The following KLHL1 variants were observed in gnomAD, a reference collection of about 807,000 sequenced individuals.
KLHL1 encodes kelch like family member 1.
Under a neutral mutation model 77.7 loss-of-function variants are expected in KLHL1, and 47 were observed. The observed-to-expected ratio is 0.60, with a 90% CI of 0.48 to 0.77. The LOEUF (loss-of-function observed/expected upper bound fraction) is 0.77, where lower values mean the gene tolerates loss of function less well. KLHL1 is among the 30% of genes least tolerant of loss of function. KLHL1 has a pLI of 0.00. For synonymous variants in KLHL1, 360 were observed against 325.2 expected (o/e 1.11, Z -1.15); for missense variants, 925 against 910.8 (o/e 1.02, Z -0.20).
At chr13:69,990,070 C>T (rs1210837995) in intron 1 of KLHL1, among the ~76,000 whole-genome samples, 1 of 151,830 alleles carries the variant, frequency 6.6e-6, no homozygotes, top group African/African-American at 2.4e-5. Flanking sequence ...TCATATCTGG[C>T]CAAACTAAGC....
chr13:70,069,002 G>A (rs555138813), intron 1 of KLHL1, among the ~76,000 whole-genome samples: 39 of 152,108 alleles, frequency 2.6e-4, no homozygotes, highest in Non-Finnish European at 4.6e-4. Flanking sequence ...GGAGCACTCT[G>A]TTCTCCTTAA....
intron 1 of KLHL1, among the ~76,000 whole-genome samples, chr13:70,083,826 T>C (rs530785311): frequency 2.0e-5 from 3 of 152,128 alleles, no homozygotes; most frequent in Non-Finnish European, 2.9e-5. Flanking sequence ...TGTATACATA[T>C]ATTTAAACAC....
Position 69,942,364 on chromosome 13 carries a change from CTGT to C in KLHL1, c.818-2131_818-2129del, listed in dbSNP as rs199580188. Reference sequence around the variant, plus strand: ...GTAATTTTATCTAACTCTAATTATGCTGTTATTTAATTGAAATTTAAAAGTATA... The same window carrying C: ...GTAATTTTATCTAACTCTAATTATGCTATTTAATTGAAATTTAAAAGTATA... On this transcript the variant is annotated intron_variant, in intron 3 of 10. Coordinates refer to ENST00000377844, the MANE Select transcript of KLHL1 (RefSeq NM_020866.3). Among the ~76,000 whole-genome samples the C allele has an allele frequency of 8.3e-3, 1,255 of 151,938 alleles. 7 individuals carry two copies. The highest frequency in any genetic ancestry group is 0.011 in the Admixed American group (167 of 15,250).
chr13:70,097,151 T>G (rs1887811486), intron 1 of KLHL1, among the ~76,000 whole-genome samples: 1 of 152,012 alleles, frequency 6.6e-6, no homozygotes, highest in Admixed American at 6.6e-5. Context: ...CTATCTTTAG[T>G]AAAAATCTTA....
rs114622758 is a variant in KLHL1 at position 69,821,914 on chromosome 13, A to T, written c.1414+17062T>A. On this transcript the variant is annotated intron_variant, in intron 6 of 10. Transcript: ENST00000377844. ...TTGTTCACTAGCACTAAAAACAGTGACTAGGCCAGGCCCAGTGGCTCATGC... is the reference window on the plus strand; with the variant it reads ...TTGTTCACTAGCACTAAAAACAGTGTCTAGGCCAGGCCCAGTGGCTCATGC... Among the ~76,000 whole-genome samples, 731 of 152,170 alleles carry T rather than the reference A, an allele frequency of 4.8e-3. 7 individuals are homozygous for T. The highest frequency in any genetic ancestry group is 0.017 in the African/African-American group (693 of 41,536).
intron 1 of KLHL1, among the ~76,000 whole-genome samples, chr13:70,071,469 T>G (rs1319388260): frequency 1.3e-5 from 2 of 151,424 alleles, no homozygotes; most frequent in Admixed American, 1.3e-4. Flanking sequence ...TGTAAAATAG[T>G]GGTTGAACTA....
chr13:70,063,775 C>T (rs948762501), intron 1 of KLHL1, among the ~76,000 whole-genome samples: 7 of 152,014 alleles, frequency 4.6e-5, no homozygotes, highest in African/African-American at 1.2e-4. Flanking sequence ...ACATTGTTTA[C>T]AAGCTACTGC....
At chr13:69,882,192 A>AT in intron 5 of KLHL1, 91 bp downstream of exon 5, 2 of 849,182 alleles carry the variant, frequency 2.4e-6, no homozygotes, top group Non-Finnish European at 3.9e-6. Context: ...AAAAATGTGA[A>AT]TACCTAATTA....
At chr13:69,948,905 C>T (rs570832176) in intron 3 of KLHL1, among the ~76,000 whole-genome samples, 1 of 152,052 alleles carries the variant, frequency 6.6e-6, no homozygotes, top group African/African-American at 2.4e-5. Context: ...CAAATTTTAT[C>T]TATCATCATT....
chr13:69,878,707 T>TAGAG (rs1292809619), intron 5 of KLHL1, among the ~76,000 whole-genome samples: 1 of 149,832 alleles, frequency 6.7e-6, no homozygotes. Context: ...CATATATATA[T>TAGAG]ATATAGAGAG....
intron 7 of KLHL1, among the ~76,000 whole-genome samples, chr13:69,744,273 G>A (rs2137936021): frequency 6.6e-6 from 1 of 152,230 alleles, no homozygotes; most frequent in African/African-American, 2.4e-5. Context: ...TAAAGTAACA[G>A]TGGAGAAAGT....
chr13:69,985,654 G>A (rs183268815), intron 1 of KLHL1, among the ~76,000 whole-genome samples: 91 of 151,034 alleles, frequency 6.0e-4, no homozygotes, highest in African/African-American at 2.2e-3. Flanking sequence ...AAGGAAATGA[G>A]ATGAATATGT....
chr13:70,066,702 G>C (rs1245358446), intron 1 of KLHL1, among the ~76,000 whole-genome samples: 1 of 152,150 alleles, frequency 6.6e-6, no homozygotes, highest in Non-Finnish European at 1.5e-5. Context: ...CTGCTGCCAA[G>C]AGTCCTTGTC....
chr13:69,796,516 C>G (rs1006695555), intron 7 of KLHL1, among the ~76,000 whole-genome samples: 1 of 152,126 alleles, frequency 6.6e-6, no homozygotes, highest in Non-Finnish European at 1.5e-5. Context: ...CTCCCTTTGC[C>G]TTCTGTCATG....
At chr13:69,893,449 T>C (rs1023470417) in intron 4 of KLHL1, among the ~76,000 whole-genome samples, 7 of 152,014 alleles carry the variant, frequency 4.6e-5, no homozygotes, top group African/African-American at 1.7e-4. Flanking sequence ...TTAGCCAGGA[T>C]GGTCTTGATC....
intron 5 of KLHL1, among the ~76,000 whole-genome samples, chr13:69,841,079 T>C (rs1411006703): frequency 6.6e-6 from 1 of 151,956 alleles, no homozygotes; most frequent in East Asian, 1.9e-4. Flanking sequence ...TACTATTCTT[T>C]CATTTGGAAC....
intron 8 of KLHL1, among the ~76,000 whole-genome samples, chr13:69,734,864 A>G (rs1341963709): frequency 6.6e-6 from 1 of 152,136 alleles, no homozygotes; most frequent in Non-Finnish European, 1.5e-5. Context: ...TGCTCAAGAA[A>G]ATACACTTCT....
At chr13:69,929,572 T>A (rs1882930936) in intron 4 of KLHL1, among the ~76,000 whole-genome samples, 1 of 151,848 alleles carries the variant, frequency 6.6e-6, no homozygotes, top group Non-Finnish European at 1.5e-5. Context: ...TTGAACATGT[T>A]TTTCCTTTAA....
At chr13:69,920,567 T>C (rs1014610249) in intron 4 of KLHL1, among the ~76,000 whole-genome samples, 4 of 152,094 alleles carry the variant, frequency 2.6e-5, no homozygotes, top group Admixed American at 2.0e-4. Flanking sequence ...AATATAACAA[T>C]GTATAAATGG....
Sources: gnomAD v4.1 joint callset for allele counts (sites outside exome capture counted in the v4.1 genomes callset) on GRCh38, gnomAD v4.1.1 for gene constraint, MANE v1.5 for transcripts, NCBI Gene and HGNC (gene_info 2026-07-23, HGNC 2026-07-21) for gene names.